Variants in NWD1 observed in about 807,000 individuals in gnomAD.
NWD1 encodes NACHT and WD repeat domain containing 1, also known as NACHT domain- and WD repeat-containing protein 1.
NWD1 carries 129 observed loss-of-function variants against 135.1 expected under a neutral mutation model. The ratio of observed to expected loss-of-function variants is 0.96; its 90% confidence interval spans 0.83 to 1.11. The LOEUF (loss-of-function observed/expected upper bound fraction) is 1.11, where lower values mean the gene tolerates loss of function less well. Among genes scored for constraint, NWD1 ranks in the 50% least tolerant of loss-of-function variants. The pLI is 0.00. For synonymous variants in NWD1, 773 were observed against 786.0 expected, an observed-to-expected ratio of 0.98 and a Z score of 0.28; for missense variants, 1,740 against 1,851.3, an observed-to-expected ratio of 0.94 and a Z score of 1.10.
chr19:16,803,810 A>G (rs911355809), intron 17 of NWD1, among the ~76,000 whole-genome samples: 1 of 151,692 alleles, frequency 6.6e-6, no homozygotes, highest in South Asian at 2.1e-4. Flanking sequence ...CTGTAATCCC[A>G]GCTACTGGGG....
Position 16,779,485 on chromosome 19 carries a change from C to T in NWD1, c.2731+20C>T, listed in dbSNP as rs2122992687. 1.9e-6 allele frequency: 3 copies of T among 1,609,958 alleles called. No individual in the cohort carries two copies. In the East Asian group the frequency reaches 6.7e-5, roughly 36 times the overall value. The stretch of plus-strand genomic sequence containing the variant: ...ACACAGGTGAGACTTGGGAAGTGGG[C>T]TTTGTGGTCAGCTTCCATAGTGAAA... On this transcript the variant is annotated intron_variant, in intron 12 of 18. Transcript: ENST00000524140.
chr19:16,781,012 G>A (rs77906409), intron 12 of NWD1, among the ~76,000 whole-genome samples: 6,980 of 152,214 alleles, frequency 0.046, 201 homozygotes, highest in African/African-American at 0.084. Flanking sequence ...CAAGGATGTG[G>A]ATCAGTAAGG....
At chr19:16,728,219 C>T (rs1967405412) in intron 2 of NWD1, among the ~76,000 whole-genome samples, 2 of 150,820 alleles carry the variant, frequency 1.3e-5, no homozygotes, top group South Asian at 2.1e-4. Context: ...AAATACAAAT[C>T]GGATTTAAAA....
intron 4 of NWD1, chr19:16,738,330 A>T: frequency 2.8e-6 from 1 of 357,284 alleles, no homozygotes; most frequent in South Asian, 1.9e-5. Flanking sequence ...GCATTTTGGG[A>T]GGCTGAGGCA....
intron 11 of NWD1, among the ~76,000 whole-genome samples, chr19:16,779,121 C>T (rs893505566): frequency 1.3e-5 from 2 of 152,188 alleles, no homozygotes; most frequent in East Asian, 1.9e-4. Flanking sequence ...ATGCAGTCCC[C>T]TTCCCTACCT....
intron 13 of NWD1, among the ~76,000 whole-genome samples, chr19:16,789,522 T>C (rs1162773514): frequency 6.6e-6 from 1 of 152,196 alleles, no homozygotes; most frequent in African/African-American, 2.4e-5. Context: ...TTTAAAATAC[T>C]TTCAGATTTC....
chr19:16,749,073 C>T, intron 5 of NWD1, 66 bp from the exon 6 acceptor site: 1 of 1,300,700 alleles, frequency 7.7e-7, no homozygotes, highest in Non-Finnish European at 1.1e-6. Context: ...TCCCAGCAAC[C>T]CCATTTAGGT....
intron 18 of NWD1, 49 bp downstream of exon 18, chr19:16,808,185 A>T: frequency 6.6e-7 from 1 of 1,526,480 alleles, no homozygotes; most frequent in Non-Finnish European, 9.0e-7. Context: ...GCATTGGAAA[A>T]CTGATAGATA....
intron 2 of NWD1, among the ~76,000 whole-genome samples, chr19:16,727,923 G>A (rs576237351): frequency 1.3e-5 from 2 of 152,130 alleles, no homozygotes; most frequent in South Asian, 2.1e-4. Context: ...TTAGCTGGGC[G>A]TAGTGGTGGG....
At chr19:16,757,462 T>A (rs1465990019) in intron 6 of NWD1, among the ~76,000 whole-genome samples, 1 of 152,190 alleles carries the variant, frequency 6.6e-6, no homozygotes, top group Non-Finnish European at 1.5e-5. Flanking sequence ...GAGGAACTAG[T>A]GCATTTTCTT....
At chr19:16,797,232 C>T (rs190600407) in intron 15 of NWD1, among the ~76,000 whole-genome samples, 28 of 151,890 alleles carry the variant, frequency 1.8e-4, no homozygotes, top group Middle Eastern at 3.4e-3. Context: ...CTCCCCCAAC[C>T]AGCTGTGGGC....
intron 9 of NWD1, among the ~76,000 whole-genome samples, chr19:16,764,266 C>G (rs1429883385): frequency 3.3e-5 from 5 of 152,076 alleles, no homozygotes; most frequent in Non-Finnish European, 7.4e-5. Context: ...GAGTGAAAAC[C>G]CCTGCCTTAT....
Position 16,759,225 on chromosome 19 carries a change from A to G in NWD1, c.1770A>G (p.Arg590=). 1.9e-6 allele frequency: 3 copies of G among 1,613,002 alleles called. No homozygotes were observed. Among genetic ancestry groups the G allele is most frequent in the Non-Finnish European group, 2.5e-6 (3 of 1,179,122 alleles). ...AHVLGYIVSS[R]HGLSEAELKD... ...AAAGCCCCACTGGTCCTCCCTTCAGACACGGTCTCTCGGAGGCGGAGCTGA... is the reference window on the plus strand; with the variant it reads ...AAAGCCCCACTGGTCCTCCCTTCAGGCACGGTCTCTCGGAGGCGGAGCTGA... Residue 590 remains arginine (R), a splice_region_variant and synonymous_variant, in exon 7 of 19, where the codon CGA becomes CGG. Coordinates refer to ENST00000524140, the MANE Select transcript of NWD1 (RefSeq NM_001007525.5).
intron 4 of NWD1, among the ~76,000 whole-genome samples, chr19:16,741,333 A>G (rs1385602078): frequency 7.0e-6 from 1 of 142,516 alleles, no homozygotes; most frequent in African/African-American, 2.6e-5. Context: ...ACTCCTTTTC[A>G]TGTTTTTGGT....
In NWD1 at chr19:16,744,637, T is replaced by G; in HGVS notation, c.415T>G (p.Ser139Ala). 6.5e-7 allele frequency: 1 copy of G among 1,535,322 alleles called. No individual in the cohort carries two copies. Among genetic ancestry groups the G allele is most frequent in the Non-Finnish European group, 8.7e-7 (1 of 1,146,612 alleles). ...TGAACCAGAGGAGGCCACCTTAACT[T>G]CTGTCCTACGCTCTGGAGCCCAGGA... ...ACEPEEATLT[S>A]VLRSGAQEAR... Residue 139 changes from serine to alanine, a missense_variant, in exon 5 of 19, where the codon TCT becomes GCT. Transcript: ENST00000524140.
rs145077526 is a variant in NWD1, at chr19:16,737,699, C to T, written c.198+949C>T. Among the ~76,000 whole-genome samples, 488 of 151,110 alleles carry T rather than the reference C, an allele frequency of 3.2e-3. 5 individuals are homozygous for T. The highest frequency in any genetic ancestry group is 0.011 in the African/African-American group (466 of 41,200). On this transcript the variant is annotated intron_variant, in intron 4 of 18. Transcript: ENST00000524140. ...AGAAATTCTAGAGCAGGGGGCCGGG[C>T]GTGGTGGCTCACACCTGTAATCCCA...
chr19:16,737,331 A>T (rs1339028351), intron 4 of NWD1, among the ~76,000 whole-genome samples: 1 of 152,022 alleles, frequency 6.6e-6, no homozygotes. Flanking sequence ...TGGCAAGATC[A>T]TGGCTCACTA....
chr19:16,808,068 T>C lies in NWD1; in HGVS notation c.4219T>C (p.Ser1407Pro), dbSNP rs1379261615. 3.1e-6 allele frequency: 5 copies of C among 1,613,898 alleles called. No individual in the cohort carries two copies. The highest frequency in any genetic ancestry group is 4.2e-6 in the Non-Finnish European group (5 of 1,180,018). ...CAAGGAGCAGCTGGTGGTCAGCGGG[T>C]CTGAGGATGCCCTGCTGTGTCTCTG... ...SHKEQLVVSGSEDALLCLWDL... is the reference protein window; with the variant it reads ...SHKEQLVVSGPEDALLCLWDL... Residue 1407 changes from serine (S) to proline (P), a missense_variant, in exon 18 of 19, where the codon TCT becomes CCT. Transcript: ENST00000524140.
intron 15 of NWD1, among the ~76,000 whole-genome samples, chr19:16,796,009 A>G (rs1970405622): frequency 6.6e-6 from 1 of 152,166 alleles, no homozygotes. Context: ...ATTGAGCAAC[A>G]AAACAGCTCT....
Sources: gnomAD v4.1 joint callset for allele counts (sites outside exome capture counted in the v4.1 genomes callset) on GRCh38, gnomAD v4.1.1 for gene constraint, MANE v1.5 for transcripts, NCBI Gene and HGNC (gene_info 2026-07-23, HGNC 2026-07-21) for gene names.